Variants in IL7 observed in about 807,000 individuals in gnomAD.
The protein encoded by IL7 is interleukin-7.
IL7 carries 3 observed loss-of-function variants against 21.6 expected under a neutral mutation model. The ratio of observed to expected loss-of-function variants is 0.14; its 90% CI spans 0.06 to 0.36. The LOEUF (loss-of-function observed/expected upper bound fraction) is 0.36, where lower values mean the gene tolerates loss of function less well. Ranked by LOEUF, IL7 falls within the 10% of genes least tolerant of loss-of-function variation. The pLI is 1.00. For missense variants in IL7, 175 were observed against 200.2 expected (o/e 0.87, Z 0.76); for synonymous variants, 62 against 68.1 (o/e 0.91, Z 0.44).
At chr8:78,712,214 T>C in intron 3 of IL7, 1 of 518,452 alleles carries the variant, frequency 1.9e-6, no homozygotes, top group Non-Finnish European at 2.9e-6. Flanking sequence ...AAAAATCTGT[T>C]GAATAATTTC....
chr8:78,720,243 T>C (rs938781525), intron 5 of IL7, among the ~76,000 whole-genome samples: 6 of 151,794 alleles, frequency 4.0e-5, no homozygotes, highest in East Asian at 1.9e-4. Context: ...TGAAAAAATA[T>C]TAGAAAACAC....
At chr8:78,757,707 TC>T (rs1167237747) in intron 2 of IL7, among the ~76,000 whole-genome samples, 1 of 152,112 alleles carries the variant, frequency 6.6e-6, no homozygotes, top group Non-Finnish European at 1.5e-5. Context: ...GTATAGCTAC[TC>T]CTGCAAAGTT....
chr8:78,754,955 A>G (rs983268180), intron 2 of IL7, among the ~76,000 whole-genome samples: 2 of 151,984 alleles, frequency 1.3e-5, no homozygotes, highest in African/African-American at 2.4e-5. Context: ...TAGTGGTTTT[A>G]TATTTCTGGG....
chr8:78,766,270 G>A (rs971615797), intron 2 of IL7, among the ~76,000 whole-genome samples: 2 of 152,030 alleles, frequency 1.3e-5, no homozygotes, highest in Admixed American at 6.6e-5. Context: ...GAAGACATTT[G>A]ACAAAACCCA....
chr8:78,743,875 A>G (rs1027706799), intron 2 of IL7, among the ~76,000 whole-genome samples: 2 of 151,836 alleles, frequency 1.3e-5, no homozygotes, highest in African/African-American at 4.8e-5. Context: ...TCCAGTCCCT[A>G]GTTGCCTTGG....
At chr8:78,727,734 G>C (rs1811362692) in intron 3 of IL7, among the ~76,000 whole-genome samples, 1 of 151,822 alleles carries the variant, frequency 6.6e-6, no homozygotes, top group African/African-American at 2.4e-5. Context: ...ACATCAGAAA[G>C]TAAGTTGACA....
At chr8:78,782,974 A>G (rs998269328) in intron 2 of IL7, among the ~76,000 whole-genome samples, 2 of 152,200 alleles carry the variant, frequency 1.3e-5, no homozygotes, top group Non-Finnish European at 2.9e-5. Flanking sequence ...TATCTGCCAC[A>G]GCTGCTGTGT....
chr8:78,689,427 A>C (rs928883664), intron 3 of IL7: 2 of 1,474,530 alleles, frequency 1.4e-6, no homozygotes, highest in Non-Finnish European at 1.8e-6. Flanking sequence ...ATGGACATTC[A>C]TAGATTATTG....
intron 4 of IL7, among the ~76,000 whole-genome samples, chr8:78,678,333 A>T (rs1162078244): frequency 6.6e-6 from 1 of 152,108 alleles, no homozygotes; most frequent in African/African-American, 2.4e-5. Flanking sequence ...ATGTTAGAAG[A>T]GTGTTTATAA....
chr8:78,788,164 C>T (rs1293524964), intron 2 of IL7, among the ~76,000 whole-genome samples: 1 of 152,090 alleles, frequency 6.6e-6, no homozygotes, highest in Non-Finnish European at 1.5e-5. Flanking sequence ...GTCAGCCTGG[C>T]TGGAGGCTTA....
At chr8:78,804,776 C>G in intron 1 of IL7, 137 bp downstream of exon 1, 1 of 927,668 alleles carries the variant, frequency 1.1e-6, no homozygotes, top group Non-Finnish European at 1.7e-6. Flanking sequence ...CATGGGAGAG[C>G]CAGTGCTCTC....
Position 78,760,898 on chromosome 8 carries a change from G to A in IL7, c.148-20816C>T, listed in dbSNP as rs1418933313. ...CAGTACTGCAGTCAAGCTACCGGCTGCAAAGAAGACATCAGAGGTTTGCCC... is the reference window on the plus strand; with the variant it reads ...CAGTACTGCAGTCAAGCTACCGGCTACAAAGAAGACATCAGAGGTTTGCCC... On this transcript the variant is annotated intron_variant, in intron 2 of 5. Transcript: ENST00000263851. The A allele has an allele frequency of 2.6e-5, 40 of 1,557,954 alleles. 1 individual carries two copies. Among genetic ancestry groups the A allele is most frequent in the Middle Eastern group, 1.7e-4 (1 of 5,772 alleles).
intron 5 of IL7, among the ~76,000 whole-genome samples, chr8:78,735,466 C>G (rs1252298345): frequency 1.3e-5 from 2 of 151,674 alleles, no homozygotes; most frequent in Admixed American, 1.3e-4. Flanking sequence ...GCGTGCACCA[C>G]GCCCAGCTAA....
intron 3 of IL7, chr8:78,686,411 A>T: frequency 8.0e-7 from 1 of 1,248,750 alleles, no homozygotes; most frequent in Non-Finnish European, 1.0e-6. Flanking sequence ...TTATTTCAAT[A>T]TACTAAAAAG....
intron 2 of IL7, chr8:78,747,095 T>TTA (rs1300052760): frequency 2.2e-6 from 1 of 456,570 alleles, no homozygotes; most frequent in Non-Finnish European, 4.4e-6. Flanking sequence ...GTAGGGCTGA[T>TTA]TCTAAGGATT....
At chr8:78,747,140 G>C in intron 2 of IL7, 1 of 448,184 alleles carries the variant, frequency 2.2e-6, no homozygotes, top group Middle Eastern at 3.6e-4. Flanking sequence ...TCAGTCTCAT[G>C]TCTCTTGCTA....
At chr8:78,723,138 A>G (rs1351429564) in intron 3 of IL7, among the ~76,000 whole-genome samples, 3 of 149,216 alleles carry the variant, frequency 2.0e-5, no homozygotes, top group African/African-American at 4.9e-5. Flanking sequence ...TCAAAGTTCA[A>G]ATCTCTGTAA....
chr8:78,738,246 G>A (rs2130682000), intron 4 of IL7, among the ~76,000 whole-genome samples: 1 of 152,174 alleles, frequency 6.6e-6, no homozygotes, highest in East Asian at 1.9e-4. Context: ...TAGTATCCTT[G>A]GAAGTTATTA....
chr8:78,797,760 C>T (rs1453141461), intron 2 of IL7: 1 of 214,644 alleles, frequency 4.7e-6, no homozygotes, highest in African/African-American at 2.3e-5. Flanking sequence ...TCTACAGGGA[C>T]TAACATGGTA....
Sources: gnomAD v4.1 joint callset for allele counts (sites outside exome capture counted in the v4.1 genomes callset) on GRCh38, gnomAD v4.1.1 for gene constraint, MANE v1.5 for transcripts, NCBI Gene and HGNC (gene_info 2026-07-23, HGNC 2026-07-21) for gene names.